The following VWF variants were observed in gnomAD, a reference collection of about 807,000 sequenced individuals.
VWF encodes the protein von Willebrand factor.
VWF carries 176 observed loss-of-function variants against 308.6 expected under a neutral mutation model. That is an observed-to-expected ratio of 0.57 (90% confidence interval 0.50 to 0.65). The LOEUF (loss-of-function observed/expected upper bound fraction) is 0.65. Among genes scored for constraint, VWF ranks in the 30% least tolerant of loss-of-function variants. The pLI is 0.00. For synonymous variants in VWF, 1,385 were observed against 1,443.4 expected (o/e 0.96, Z 0.92); for missense variants, 3,146 against 3,648.2 (o/e 0.86, Z 3.55).
intron 47 of VWF, among the ~76,000 whole-genome samples, chr12:5,964,382 GTTC>G (rs2136351065): frequency 1.3e-5 from 2 of 151,784 alleles, no homozygotes; most frequent in South Asian, 4.2e-4. Flanking sequence ...ACAAATTATA[GTTC>G]TTTTGACCCT....
At chr12:6,036,305 G>A in intron 19 of VWF, 83 bp downstream of exon 19, 13 of 1,236,088 alleles carry the variant, frequency 1.1e-5, no homozygotes, top group Non-Finnish European at 1.5e-5. Flanking sequence ...CTGGAGGCAA[G>A]TGCGGAAGGT....
intron 6 of VWF, chr12:6,095,167 C>T (rs1268982839): frequency 1.7e-5 from 7 of 402,192 alleles, no homozygotes; most frequent in African/African-American, 8.2e-5. Context: ...TGCCTAGCCT[C>T]CAGAACTATA....
At chr12:6,000,513 A>G (rs998445481) in intron 34 of VWF, among the ~76,000 whole-genome samples, 1 of 152,168 alleles carries the variant, frequency 6.6e-6, no homozygotes, top group African/African-American at 2.4e-5. Flanking sequence ...CCTTCTTAAG[A>G]TATCTACTAG....
Position 6,021,882 on chromosome 12 carries a change from C to T in VWF, c.3674+18G>A. 6.2e-7 allele frequency: 1 copy of T among 1,614,146 alleles called. No individual in the cohort carries two copies. Among genetic ancestry groups the T allele is most frequent in the African/African-American group, 1.3e-5 (1 of 75,016 alleles). On this transcript the variant is annotated intron_variant, in intron 27 of 51. Transcript: ENST00000261405. ...CAATAAGATTCATCACTTCAAACAA[C>T]CCAGGAATCTGTTTTACCAAATCTG...
chr12:6,044,910 C>T (rs974919502), intron 17 of VWF, among the ~76,000 whole-genome samples: 9 of 152,104 alleles, frequency 5.9e-5, no homozygotes, highest in African/African-American at 2.4e-5. Context: ...GATCTCTGCT[C>T]GCGTCAGCCC....
intron 18 of VWF, among the ~76,000 whole-genome samples, chr12:6,043,733 G>C: frequency 6.6e-6 from 1 of 152,252 alleles, no homozygotes; most frequent in Non-Finnish European, 1.5e-5. Context: ...GCACAGCACC[G>C]GAGTCATGGA....
intron 51 of VWF, 27 bp from the exon 52 acceptor site, chr12:5,949,230 G>A (rs1228730060): frequency 6.2e-7 from 1 of 1,609,542 alleles, no homozygotes; most frequent in Non-Finnish European, 8.5e-7. Context: ...GAAGATGGGA[G>A]CTTCACAATG....
rs542226383 is a variant in VWF, at chr12:6,056,932, C to T, written c.1870G>A (p.Gly624Ser). 125 of 1,535,284 alleles carry T rather than the reference C, an allele frequency of 8.1e-5. 1 individual carries two copies. The East Asian group carries it at 2.7e-3, about 33-fold the overall frequency. Residue 624 changes from glycine to serine, a missense_variant, in exon 15 of 52, where the codon GGC (glycine) becomes AGC (serine). Around this residue, in one of 3 missense-constraint regions of VWF, gnomAD observed 1,304 missense variants for 1,353.0 expected, o/e 0.96. Coordinates refer to ENST00000261405, the MANE Select transcript of VWF (RefSeq NM_000552.5). The part of the protein sequence containing the change: ...SCSDGRECLC[G>S]ALASYAAACA... ...GCCGCGGCATAGCTGGCCAGGGCGC[C>T]GCACAGGCACTCGCGGCCGTCCGAG...
intron 6 of VWF, among the ~76,000 whole-genome samples, chr12:6,076,005 T>C (rs769376844): frequency 2.0e-5 from 3 of 152,154 alleles, no homozygotes; most frequent in Non-Finnish European, 4.4e-5. Context: ...AGGGGCTTTA[T>C]AGAGATTTCT....
At chr12:6,039,494 A>G (rs1944374120) in intron 18 of VWF, among the ~76,000 whole-genome samples, 1 of 152,204 alleles carries the variant, frequency 6.6e-6, no homozygotes. Context: ...AGCTGAACTC[A>G]GCCAGAAGCT....
At chr12:6,069,320 G>A (rs1188771341) in intron 10 of VWF, among the ~76,000 whole-genome samples, 1 of 152,114 alleles carries the variant, frequency 6.6e-6, no homozygotes, top group African/African-American at 2.4e-5. Context: ...GGGCAGGTCT[G>A]TCCAGCTGCA....
Position 6,088,577 on chromosome 12 carries a change from C to T in VWF, c.657+6883G>A, listed in dbSNP as rs570131801. On this transcript the variant is annotated intron_variant, in intron 6 of 51. Coordinates refer to ENST00000261405, the MANE Select transcript of VWF (RefSeq NM_000552.5). ...TGGATGCAGCCCAAGCCCAGCCCCC[C>T]GGAGCCTTGGGCTTCCTGTTGCAGA... Among the ~76,000 whole-genome samples, 31 of 152,282 alleles carry T rather than the reference C, an allele frequency of 2.0e-4. No homozygotes were observed. In the South Asian group the frequency reaches 5.0e-3, roughly 24 times the overall value.
chr12:5,961,861 A>G (rs1247554129), intron 47 of VWF, among the ~76,000 whole-genome samples: 1 of 152,108 alleles, frequency 6.6e-6, no homozygotes, highest in Admixed American at 6.5e-5. Context: ...CAAAATTCCT[A>G]TGTTGGGATT....
intron 47 of VWF, among the ~76,000 whole-genome samples, chr12:5,955,432 T>C (rs1189187939): frequency 6.6e-6 from 1 of 152,030 alleles, no homozygotes; most frequent in East Asian, 1.9e-4. Context: ...GTGTTCTCAT[T>C]GTTCAATTCC....
Position 5,971,705 on chromosome 12 carries a change from AAG to A in VWF, c.7440_7441del (p.Phe2481HisfsTer6). ...CTCGCCTTCATGCAGAACGTAAGTG[AAG>A]CCCTGGAAAAGCAGAAAAAACAGAG... On this transcript the variant is annotated frameshift_variant and splice_region_variant, in exon 44 of 52. Transcript: ENST00000261405. LOFTEE classifies it high-confidence loss of function. 1 of 1,614,152 alleles carries A rather than the reference AAG, an allele frequency of 6.2e-7. No homozygotes were observed. The highest frequency in any genetic ancestry group is 8.5e-7 in the Non-Finnish European group (1 of 1,179,988).
At position 6,036,472 on chromosome 12, in the gene VWF, C is replaced by T; in HGVS notation, c.2462G>A (p.Cys821Tyr). The change falls in exon 19 of 52, where the codon TGT (cysteine) becomes TAT (tyrosine). Residue 821 changes from cysteine to tyrosine, a missense_variant. Transcript: ENST00000261405. ...PPGMVRHENR[C>Y]VALERCPCFH... Reference sequence around the variant, plus strand: ...GCAGGGACACCTTTCCAGGGCCACACATCTGTTCTCATGCCGGACCTAAGA... The same window carrying T: ...GCAGGGACACCTTTCCAGGGCCACATATCTGTTCTCATGCCGGACCTAAGA... 1 of 1,614,234 alleles carries T rather than the reference C, an allele frequency of 6.2e-7. No homozygotes were observed. Among genetic ancestry groups the T allele is most frequent in the Non-Finnish European group, 8.5e-7 (1 of 1,180,034 alleles).
intron 34 of VWF, among the ~76,000 whole-genome samples, chr12:6,005,554 C>T (rs1410136860): frequency 3.3e-5 from 5 of 152,140 alleles, no homozygotes; most frequent in Admixed American, 2.0e-4. Context: ...TAAAGAAGTC[C>T]GCTACAACAT....
intron 31 of VWF, 93 bp from the exon 32 acceptor site, chr12:6,013,738 C>T: frequency 6.9e-7 from 1 of 1,455,180 alleles, no homozygotes; most frequent in Non-Finnish European, 9.6e-7. Flanking sequence ...AATACAGCCT[C>T]ATGTTTTCCA....
chr12:5,958,806 A>G (rs1943279045), intron 47 of VWF, among the ~76,000 whole-genome samples: 2 of 152,196 alleles, frequency 1.3e-5, no homozygotes. Flanking sequence ...GATAGTAGAT[A>G]CCATATATGT....
Sources: gnomAD v4.1 joint callset for allele counts (sites outside exome capture counted in the v4.1 genomes callset) on GRCh38, gnomAD v4.1.1 for gene constraint, gnomAD v4.1.1 regional missense constraint, MANE v1.5 for transcripts, NCBI Gene and HGNC (gene_info 2026-07-23, HGNC 2026-07-21) for gene names.